ARHGAP32: variants seen among roughly 807,000 people sequenced by gnomAD.
The protein encoded by ARHGAP32 is Rho GTPase activating protein 32, also known as rho GTPase-activating protein 32.
Under a neutral mutation model 186.5 loss-of-function variants are expected in ARHGAP32, and 51 were observed. The observed-to-expected ratio is 0.27, with a 90% CI of 0.22 to 0.35. The LOEUF is 0.35. ARHGAP32 is among the 10% of genes least tolerant of loss of function. The probability of loss-of-function intolerance (pLI) is 1.00; values close to 1 mark genes in which losing one functional copy is unlikely to be tolerated. For missense variants in ARHGAP32, 2,186 were observed against 2,623.5 expected, an observed-to-expected ratio of 0.83 and a Z score of 3.64; for synonymous variants, 950 against 964.3, an observed-to-expected ratio of 0.99 and a Z score of 0.27.
chr11:129,153,553 A>T (rs180709549), intron 2 of ARHGAP32, among the ~76,000 whole-genome samples: 2 of 152,288 alleles, frequency 1.3e-5, no homozygotes, highest in East Asian at 3.9e-4. Flanking sequence ...AGACCAATGG[A>T]ACAGAATAAA....
intron 10 of ARHGAP32, among the ~76,000 whole-genome samples, chr11:129,046,896 G>A (rs961424688): frequency 1.1e-4 from 16 of 151,984 alleles, no homozygotes; most frequent in East Asian, 3.9e-4. Flanking sequence ...AGGCCGAGGC[G>A]GGCGGATCAT....
Position 129,239,602 on chromosome 11 carries a change from C to T in ARHGAP32, c.-5+39544G>A, listed in dbSNP as rs74728434. Among the ~76,000 whole-genome samples, 445 of 152,254 alleles carry T rather than the reference C, an allele frequency of 2.9e-3. 2 individuals carry two copies. The highest frequency in any genetic ancestry group is 5.6e-3 in the South Asian group (27 of 4,822). ...AAAATACAATACCTAGAAGCACTTT[C>T]GACACCCATAAAAGAGCGTCCGAAT... On this transcript the variant is annotated intron_variant, in intron 1 of 6. Coordinates refer to the ARHGAP32 transcript ENST00000525234.
intron 1 of ARHGAP32, among the ~76,000 whole-genome samples, chr11:129,172,467 C>G (rs1943788143): frequency 6.6e-6 from 1 of 152,176 alleles, no homozygotes; most frequent in South Asian, 2.1e-4. Flanking sequence ...ACAGAACTCT[C>G]TACCCCAAAT....
chr11:129,055,978 T>C (rs1032026827), intron 10 of ARHGAP32, among the ~76,000 whole-genome samples: 5 of 152,298 alleles, frequency 3.3e-5, no homozygotes, highest in South Asian at 2.1e-4. Flanking sequence ...AGCCCCAAAA[T>C]TGTTTCAACA....
At chr11:129,164,183 C>T (rs1357685828) in intron 2 of ARHGAP32, 136 bp downstream of exon 2, 2 of 590,834 alleles carry the variant, frequency 3.4e-6, no homozygotes, top group African/African-American at 3.7e-5. Flanking sequence ...ACAGTATTCA[C>T]TCAATAAATA....
intron 10 of ARHGAP32, among the ~76,000 whole-genome samples, chr11:129,061,408 T>G (rs1015013420): frequency 6.6e-6 from 1 of 152,174 alleles, no homozygotes; most frequent in Non-Finnish European, 1.5e-5. Context: ...AAATCACAGA[T>G]AGTACCAAAC....
chr11:129,266,691 T>A (rs1405106877), intron 1 of ARHGAP32, among the ~76,000 whole-genome samples: 1 of 152,156 alleles, frequency 6.6e-6, no homozygotes, highest in East Asian at 1.9e-4. Flanking sequence ...CAGTACTGCT[T>A]AGACCTAAAC....
At chr11:129,170,871 G>A (rs559761565) in intron 1 of ARHGAP32, among the ~76,000 whole-genome samples, 11 of 152,274 alleles carry the variant, frequency 7.2e-5, no homozygotes, top group South Asian at 2.1e-4. Flanking sequence ...CCTGACTGGC[G>A]TGAGATGGTG....
chr11:129,193,646 TAATACATATAC>T (rs1944336033), upstream of ARHGAP32, among the ~76,000 whole-genome samples: 1 of 76,508 alleles, frequency 1.3e-5, no homozygotes, highest in Non-Finnish European at 2.4e-5. Context: ...ATATGTTATA[TAATACATATAC>T]AATATATATT....
At chr11:129,276,353 G>A (rs1180865382) in intron 1 of ARHGAP32, among the ~76,000 whole-genome samples, 1 of 152,110 alleles carries the variant, frequency 6.6e-6, no homozygotes, top group East Asian at 1.9e-4. Flanking sequence ...CAGGCTCAAG[G>A]GCAGTGGCAC....
intron 1 of ARHGAP32, among the ~76,000 whole-genome samples, chr11:129,167,394 G>A (rs554798458): frequency 4.6e-5 from 7 of 152,116 alleles, no homozygotes; most frequent in Admixed American, 1.3e-4. Flanking sequence ...ATAAAAACAC[G>A]TCTACCAAGA....
chr11:128,969,857 G>C lies in ARHGAP32; in HGVS notation c.5356C>G (p.Gln1786Glu). ...RQKVKGPVMS[Q>E]YDNMTPAVQD... is the part of the protein sequence containing the mutation. ...ACCGCCGGGGTCATGTTATCATATT[G>C]GGACATGACAGGCCCTTTCACCTTC... Residue 1786 changes from glutamine (Q) to glutamate (E), a missense_variant, in exon 23 of 23, where the codon CAA becomes GAA. By Grantham distance (29) the Gln-to-Glu change is conservative. Around this residue, in one of 5 missense-constraint regions of ARHGAP32, gnomAD observed 1,502 missense variants for 1,570.0 expected, o/e 0.96. Coordinates refer to ENST00000682385, the MANE Select transcript of ARHGAP32 (RefSeq NM_001378024.1). This position sits in a 1 kb window ranked among gnomAD's most constrained non-coding sequence, Gnocchi z 4.8. 2.5e-6 allele frequency: 4 copies of C among 1,614,152 alleles called. No homozygotes were observed. The highest frequency in any genetic ancestry group is 3.4e-6 in the Non-Finnish European group (4 of 1,180,030).
chr11:128,973,499 A>G (rs1945454767), intron 21 of ARHGAP32, 67 bp from the exon 22 acceptor site: 4 of 1,539,672 alleles, frequency 2.6e-6, no homozygotes, highest in East Asian at 2.3e-5. Flanking sequence ...ATGGAAAGCC[A>G]AACACTCCCC....
intron 2 of ARHGAP32, among the ~76,000 whole-genome samples, chr11:129,128,063 T>C (rs1942703750): frequency 1.3e-5 from 2 of 152,210 alleles, no homozygotes; most frequent in Admixed American, 1.3e-4. Flanking sequence ...GTTTACACTA[T>C]ATAATTCAAC....
At chr11:129,037,383 A>G (rs905340985) in intron 11 of ARHGAP32, among the ~76,000 whole-genome samples, 1 of 151,880 alleles carries the variant, frequency 6.6e-6, no homozygotes, top group East Asian at 1.9e-4. Context: ...AGTACTAGCT[A>G]CTCAGGAGGC....
chr11:129,209,523 A>C (rs1418180318), intron 1 of ARHGAP32, among the ~76,000 whole-genome samples: 1 of 152,118 alleles, frequency 6.6e-6, no homozygotes, highest in African/African-American at 2.4e-5. Context: ...CTGGAAGGGT[A>C]CCTTTACTGC....
chr11:129,110,679 T>G (rs1565427236), intron 5 of ARHGAP32, among the ~76,000 whole-genome samples: 1 of 152,138 alleles, frequency 6.6e-6, no homozygotes, highest in South Asian at 2.1e-4. Flanking sequence ...TATTCCTAGG[T>G]TTTTTGTTTA....
In ARHGAP32 at chr11:129,129,197, C is replaced by CCCCGTCTGGG. The variant is rs1403975788; in HGVS notation, c.226-4304_226-4303insCCCAGACGGG. ...GAGGAGCCCCTCCGCCCGGCAGCCG[C>CCCCGTCTGGG]ACCGTCTGGGAAGTGAGGAGCCCCT... On this transcript the variant is annotated intron_variant, in intron 2 of 22. Coordinates refer to ENST00000682385, the MANE Select transcript of ARHGAP32 (RefSeq NM_001378024.1). Among the ~76,000 whole-genome samples the CCCCGTCTGGG allele has an allele frequency of 2.9e-3, 411 of 141,606 alleles. 12 individuals are homozygous for CCCCGTCTGGG. The highest frequency in any genetic ancestry group is 9.6e-3 in the African/African-American group (375 of 39,102). 92.9% of individuals were successfully genotyped at this position (141,606 alleles called of 152,430 possible).
intron 1 of ARHGAP32, among the ~76,000 whole-genome samples, chr11:129,214,372 T>C (rs1199742332): frequency 2.6e-5 from 4 of 152,228 alleles, no homozygotes; most frequent in African/African-American, 7.2e-5. Flanking sequence ...GTCTCTGTTC[T>C]ATATCTGCAA....
Sources: gnomAD v4.1 joint callset for allele counts (sites outside exome capture counted in the v4.1 genomes callset) on GRCh38, gnomAD v4.1.1 for gene constraint, gnomAD v4.1.1 regional missense constraint, Gnocchi (gnomAD v3.1) non-coding constraint, MANE v1.5 for transcripts, NCBI Gene and HGNC (gene_info 2026-07-23, HGNC 2026-07-21) for gene names.